The following KAT6A variants were observed in gnomAD, a reference collection of about 807,000 sequenced individuals.
The protein encoded by KAT6A is histone acetyltransferase KAT6A.
KAT6A carries 9 observed loss-of-function variants against 198.4 expected under a neutral mutation model. That is an observed-to-expected ratio of 0.05 (90% CI 0.03 to 0.08). The LOEUF (loss-of-function observed/expected upper bound fraction) is 0.08. Ranked by LOEUF, KAT6A falls within the 10% of genes least tolerant of loss-of-function variation. The pLI is 1.00. For synonymous variants in KAT6A, 890 were observed against 883.0 expected, an observed-to-expected ratio of 1.01 and a Z score of -0.14; for missense variants, 2,077 against 2,509.9, an observed-to-expected ratio of 0.83 and a Z score of 3.69.
chr8:41,945,172 AAG>A (rs1196528764), intron 12 of KAT6A, among the ~76,000 whole-genome samples: 2 of 152,242 alleles, frequency 1.3e-5, no homozygotes, highest in Non-Finnish European at 2.9e-5. Context: ...CAGATATTTA[AAG>A]ATGTGTTGCA....
rs546971717 is a variant in KAT6A at position 41,979,720 on chromosome 8, G to T, written c.908-943C>A. ...AGTAACAATCAGTAAGTGAATTCAG[G>T]CTGGGCGCGGTGGCTCATGCCTGTA... On this transcript the variant is annotated intron_variant, in intron 5 of 16. Coordinates refer to ENST00000265713, the MANE Select transcript of KAT6A (RefSeq NM_006766.5). Among the ~76,000 whole-genome samples the T allele has an allele frequency of 2.0e-5, 3 of 151,744 alleles. No individual in the cohort carries two copies. In the South Asian group the frequency reaches 6.3e-4, roughly 32 times the overall value.
chr8:41,985,854 T>C (rs1824574852), intron 3 of KAT6A, among the ~76,000 whole-genome samples: 1 of 152,232 alleles, frequency 6.6e-6, no homozygotes, highest in Non-Finnish European at 1.5e-5. Flanking sequence ...GTTATCACTA[T>C]AAAACACTGA....
intron 2 of KAT6A, among the ~76,000 whole-genome samples, chr8:42,008,894 A>G (rs575799904): frequency 1.6e-3 from 249 of 152,372 alleles, no homozygotes; most frequent in African/African-American, 5.6e-3. Context: ...TATAGAAGAC[A>G]TTTTAAAATT....
At chr8:41,937,674 G>T in intron 15 of KAT6A, 106 bp from the exon 16 acceptor site, 5 of 862,500 alleles carry the variant, frequency 5.8e-6, no homozygotes, top group Non-Finnish European at 8.6e-6. Context: ...TATAAAATGA[G>T]GATGTTGTTT....
intron 2 of KAT6A, among the ~76,000 whole-genome samples, chr8:42,010,096 G>A (rs1825953975): frequency 6.6e-6 from 1 of 152,084 alleles, no homozygotes; most frequent in South Asian, 2.1e-4. Context: ...CTTGAGGTCA[G>A]GAGTTCAAGA....
At chr8:42,051,436 G>T (rs1484030398) in intron 1 of KAT6A, among the ~76,000 whole-genome samples, 1 of 150,014 alleles carries the variant, frequency 6.7e-6, no homozygotes, top group Non-Finnish European at 1.5e-5. Context: ...GAGCGCCCGC[G>T]AGCGCGGGGA....
Position 41,940,898 on chromosome 8 carries a change from C to CCGG in KAT6A, c.2980_2982dup (p.Pro994dup). ...GGTGGCGAGCTTGACCGAGGGCTTT[C>CCGG]CGGCTCCTCCTCCTCCTCGCTGCTC... On this transcript the variant is annotated inframe_insertion, in exon 15 of 17. Transcript: ENST00000265713. 1 of 1,613,986 alleles carries CCGG rather than the reference C, an allele frequency of 6.2e-7. No homozygotes were observed. The highest frequency in any genetic ancestry group is 8.5e-7 in the Non-Finnish European group (1 of 1,180,020).
intron 2 of KAT6A, among the ~76,000 whole-genome samples, chr8:42,009,087 C>T (rs370190240): frequency 2.6e-5 from 4 of 152,256 alleles, no homozygotes; most frequent in Non-Finnish European, 4.4e-5. Flanking sequence ...TTTAATATCA[C>T]GCTCTCAAGT....
intron 2 of KAT6A, among the ~76,000 whole-genome samples, chr8:42,026,440 T>G (rs1457780463): frequency 6.6e-6 from 1 of 151,932 alleles, no homozygotes; most frequent in Non-Finnish European, 1.5e-5. Flanking sequence ...GTCCTCCAAT[T>G]TTTTTTTAAT....
At chr8:42,041,371 T>G (rs1827658963) in intron 2 of KAT6A, among the ~76,000 whole-genome samples, 1 of 152,204 alleles carries the variant, frequency 6.6e-6, no homozygotes, top group South Asian at 2.1e-4. Flanking sequence ...TAGTAACAAA[T>G]TTTTATTTCT....
rs1399897460 is a variant in KAT6A, at chr8:41,955,409, T to C, written c.1485A>G (p.Lys495=). 1 of 1,597,068 alleles carries C rather than the reference T, an allele frequency of 6.3e-7. No homozygotes were observed. The highest frequency in any genetic ancestry group is 8.6e-7 in the Non-Finnish European group (1 of 1,166,114). The change falls in exon 9 of 17, where the codon AAA becomes AAG. Residue 495 remains lysine (K), a splice_region_variant and synonymous_variant. Transcript: ENST00000265713. ...GATCAGGGGGACCAGTCACTCCAAC[T>C]TTCTGTGCAGTCAAGAAATACATTC... ...FRDIQEQALQ[K]VGVTGPPDPQ...
Position 41,967,065 on chromosome 8 carries a change from GCA to G in KAT6A, c.1482+7637_1482+7638del, listed in dbSNP as rs759935183. 2.6e-5 allele frequency among the ~76,000 whole-genome samples: 4 copies of G among 151,944 alleles called. No individual in the cohort carries two copies. The South Asian group carries it at 8.3e-4, about 32-fold the overall frequency. ...TCACGCAAAGAAATTTTAATAACCC[GCA>G]CAGATTTCAAAAATGCTCTGTAACT... On this transcript the variant is annotated intron_variant, in intron 8 of 16. Coordinates refer to ENST00000265713, the MANE Select transcript of KAT6A (RefSeq NM_006766.5).
intron 8 of KAT6A, among the ~76,000 whole-genome samples, chr8:41,960,484 G>C (rs1245071316): frequency 7.2e-6 from 1 of 137,990 alleles, no homozygotes; most frequent in East Asian, 2.2e-4. Context: ...TCCAGCCTGG[G>C]TGACAGAGTA....
chr8:41,967,463 C>T (rs2150879822), intron 8 of KAT6A, among the ~76,000 whole-genome samples: 1 of 128,778 alleles, frequency 7.8e-6, no homozygotes. Context: ...CACCCCACAA[C>T]AGTCCTCAGA....
chr8:41,940,897 T>C lies in KAT6A; in HGVS notation c.2984A>G (p.Glu995Gly). The C allele has an allele frequency of 3.1e-6, 5 of 1,614,060 alleles. No individual in the cohort carries two copies. The highest frequency in any genetic ancestry group is 2.5e-6 in the Non-Finnish European group (3 of 1,180,028). The change falls in exon 15 of 17, where the codon GAA becomes GGA. Residue 995 changes from glutamate (E) to glycine (G), a missense_variant. By Grantham distance (98) the Glu-to-Gly change is moderately conservative (BLOSUM62 -2). Coordinates refer to ENST00000265713, the MANE Select transcript of KAT6A (RefSeq NM_006766.5). ...TGGTGGCGAGCTTGACCGAGGGCTT[T>C]CCGGCTCCTCCTCCTCCTCGCTGCT... The part of the protein sequence containing the change: ...SESSEEEEEP[E>G]SPRSSSPPIL...
At chr8:41,974,634 T>C (rs1823957281) in intron 8 of KAT6A, 70 bp downstream of exon 8, 4 of 907,194 alleles carry the variant, frequency 4.4e-6, no homozygotes, top group Non-Finnish European at 7.1e-6. Flanking sequence ...TAACCCACAA[T>C]GTAATTAATC....
At chr8:41,946,351 C>T (rs1822385801) in intron 12 of KAT6A, among the ~76,000 whole-genome samples, 1 of 152,094 alleles carries the variant, frequency 6.6e-6, no homozygotes, top group African/African-American at 2.4e-5. Context: ...AATCCTCCCA[C>T]CCCAGTTTCC....
chr8:42,017,403 G>A lies in KAT6A; in HGVS notation c.601-29840C>T, dbSNP rs879464907. Among the ~76,000 whole-genome samples the A allele has an allele frequency of 3.9e-5, 6 of 152,260 alleles. No homozygotes were observed. The Middle Eastern group carries it at 0.01, about 259-fold the overall frequency. ...ACTATCATAATACAGGGAGAAAAAC[G>A]TCATAGTATCAGTATGCCTAATGGA... On this transcript the variant is annotated intron_variant, in intron 2 of 16. Transcript: ENST00000265713.
intron 2 of KAT6A, among the ~76,000 whole-genome samples, chr8:42,044,442 A>C (rs1209360330): frequency 4.6e-5 from 7 of 152,060 alleles, no homozygotes; most frequent in Admixed American, 4.6e-4. Flanking sequence ...TCTCCTCAGT[A>C]CTTATCAATG....
Sources: gnomAD v4.1 joint callset for allele counts (sites outside exome capture counted in the v4.1 genomes callset) on GRCh38, gnomAD v4.1.1 for gene constraint, MANE v1.5 for transcripts, NCBI Gene and HGNC (gene_info 2026-07-23, HGNC 2026-07-21) for gene names.